The following C2CD5 variants were observed in gnomAD, a reference collection of about 807,000 sequenced individuals.
C2CD5 encodes the protein C2 calcium dependent domain containing 5.
C2CD5 carries 109 observed loss-of-function variants against 130.3 expected under a neutral mutation model. That is an observed-to-expected ratio of 0.84 (90% confidence interval 0.72 to 0.98). The LOEUF (loss-of-function observed/expected upper bound fraction) is 0.98, where lower values mean the gene tolerates loss of function less well. Among genes scored for constraint, C2CD5 ranks in the 50% least tolerant of loss-of-function variants. C2CD5 has a pLI of 0.00. For synonymous variants in C2CD5, 454 were observed against 429.2 expected, an observed-to-expected ratio of 1.06 and a Z score of -0.71; for missense variants, 996 against 1,261.8, an observed-to-expected ratio of 0.79 and a Z score of 3.19.
intron 10 of C2CD5, among the ~76,000 whole-genome samples, chr12:22,494,656 GAAGA>G (rs1393924881): frequency 1.3e-5 from 2 of 151,898 alleles, no homozygotes; most frequent in African/African-American, 4.8e-5. Context: ...CTTTCTTTCA[GAAGA>G]AAGAAATGCA....
chr12:22,493,096 T>C (rs1341683420), intron 11 of C2CD5, 127 bp downstream of exon 11: 10 of 512,154 alleles, frequency 2.0e-5, no homozygotes, highest in Non-Finnish European at 3.5e-6. Context: ...CTTAATCTAA[T>C]GTACTCCAAG....
At position 22,502,947 on chromosome 12, in the gene C2CD5, GTAGAAA is replaced by G. The variant is rs1015923767; in HGVS notation, c.1147+3758_1147+3763del. On this transcript the variant is annotated intron_variant, in intron 10 of 26. Coordinates refer to ENST00000446597, the MANE Select transcript of C2CD5 (RefSeq NM_001286176.2). The stretch of plus-strand genomic sequence containing the variant: ...ACATAGACAGCAGAGTTAATAAGAA[GTAGAAA>G]TAGAAAGGGGGAAAGGAGCATGCTA... The G allele has an allele frequency of 8.7e-6, 5 of 575,538 alleles. No homozygotes were observed. The African/African-American group carries it at 9.4e-5, about 11-fold the overall frequency. 35.7% of individuals were successfully genotyped at this position (575,538 alleles called of 1,614,324 possible).
In C2CD5 at chr12:22,459,478, T is replaced by C. The variant is rs1387233584; in HGVS notation, c.2584+14A>G. ...ACACCTTTGGTGACTATTTGCTTAA[T>C]TAGACAAACTCACCTCTCTGTGCAG... On this transcript the variant is annotated intron_variant, in intron 23 of 26. Transcript: ENST00000446597. 1 of 1,513,478 alleles carries C rather than the reference T, an allele frequency of 6.6e-7. No individual in the cohort carries two copies. The highest frequency in any genetic ancestry group is 8.9e-7 in the Non-Finnish European group (1 of 1,126,504). 93.8% of individuals were successfully genotyped at this position (1,513,478 alleles called of 1,614,324 possible). A position where few individuals can be genotyped will look rare whatever the true frequency, so the allele number is the denominator to read the frequency against.
rs539106834 is a variant in C2CD5 at position 22,493,515 on chromosome 12, T to C, written c.1148-178A>G. 4.0e-3 allele frequency among the ~76,000 whole-genome samples: 616 copies of C among 152,228 alleles called. 4 individuals carry two copies. Among genetic ancestry groups the C allele is most frequent in the African/African-American group, 0.014 (582 of 41,554 alleles). On this transcript the variant is annotated intron_variant, in intron 10 of 26. Coordinates refer to ENST00000446597, the MANE Select transcript of C2CD5 (RefSeq NM_001286176.2). Reference sequence around the variant, plus strand: ...AGGCATAAGATTTAACCTTTTAAACTCAATTGCTGGAAAACAAACCACCTA... The same window carrying C: ...AGGCATAAGATTTAACCTTTTAAACCCAATTGCTGGAAAACAAACCACCTA...
At chr12:22,539,287 C>A (rs1952117462) in intron 2 of C2CD5, among the ~76,000 whole-genome samples, 1 of 152,158 alleles carries the variant, frequency 6.6e-6, no homozygotes, top group Admixed American at 6.5e-5. Context: ...AGCTTCCTTC[C>A]TCTTTCTAGA....
chr12:22,472,331 AT>A lies in C2CD5; in HGVS notation c.2123del (p.Asn708IlefsTer8). On this transcript the variant is annotated frameshift_variant, in exon 18 of 27. Transcript: ENST00000446597. LOFTEE classifies it high-confidence loss of function. ...TATTTATACCGGGCATAATTTCTGT[AT>A]TACAACTATAAAAGCCTGTCAAAAT... The part of the protein sequence containing the change: ...VPPPSGFYSC[N>X]TEIMPGINNW... The A allele has an allele frequency of 6.8e-7, 1 of 1,469,012 alleles. No homozygotes were observed. Among genetic ancestry groups the A allele is most frequent in the Non-Finnish European group, 9.4e-7 (1 of 1,067,172 alleles). The allele number at this position is 1,469,012 out of a possible 1,614,324, so 91.0% of individuals were successfully genotyped here. A position where few individuals can be genotyped will look rare whatever the true frequency, so the allele number is the denominator to read the frequency against.
In C2CD5 at chr12:22,474,793, T is replaced by A; in HGVS notation, c.2001A>T (p.Glu667Asp). The A allele has an allele frequency of 6.2e-7, 1 of 1,611,206 alleles. No individual in the cohort carries two copies. Among genetic ancestry groups the A allele is most frequent in the Non-Finnish European group, 8.5e-7 (1 of 1,178,368 alleles). ...CTTTTTTCCCATGTGAAAGGTCTAA[T>A]TCTGTAACTTCATCCGAGCTTTCTG... ...SQSESSDEVT[E>D]LDLSHGKKDA... Residue 667 changes from glutamate (E) to aspartate (D), a missense_variant, in exon 16 of 27, where the codon GAA becomes GAT. Physicochemically the swap from Glu to Asp is conservative, Grantham distance 45. This residue lies in a region of C2CD5 where 590 missense variants were observed against 631.4 expected (regional missense o/e 0.93). Coordinates refer to ENST00000446597, the MANE Select transcript of C2CD5 (RefSeq NM_001286176.2).
At chr12:22,503,646 G>A (rs551605303) in intron 10 of C2CD5, among the ~76,000 whole-genome samples, 2 of 152,056 alleles carry the variant, frequency 1.3e-5, no homozygotes, top group South Asian at 2.1e-4. Context: ...AAGTAGCTAG[G>A]ACCACAGACA....
At chr12:22,471,882 G>T in intron 19 of C2CD5, 85 bp downstream of exon 19, 1 of 783,988 alleles carries the variant, frequency 1.3e-6, no homozygotes, top group East Asian at 2.5e-5. Flanking sequence ...ACTGTGTAAG[G>T]TATTACAGAC....
intron 10 of C2CD5, among the ~76,000 whole-genome samples, chr12:22,496,636 A>C (rs1346388669): frequency 6.7e-6 from 1 of 150,054 alleles, no homozygotes; most frequent in African/African-American, 2.4e-5. Context: ...TTTTAGGAAA[A>C]TTTAAAATTT....
chr12:22,459,372 C>G, intron 23 of C2CD5, 120 bp downstream of exon 23: 2 of 489,742 alleles, frequency 4.1e-6, no homozygotes, highest in Non-Finnish European at 7.1e-6. Context: ...AAAAAAAAGC[C>G]AGATTTTGGT....
At chr12:22,502,396 T>C (rs967207958) in intron 10 of C2CD5, among the ~76,000 whole-genome samples, 3 of 152,130 alleles carry the variant, frequency 2.0e-5, no homozygotes, top group African/African-American at 7.2e-5. Context: ...TAACAAATAT[T>C]TGCTTAATCT....
chr12:22,532,940 A>G (rs1021049281), intron 3 of C2CD5, among the ~76,000 whole-genome samples: 1 of 152,244 alleles, frequency 6.6e-6, no homozygotes, highest in Non-Finnish European at 1.5e-5. Context: ...AAGGTTCTTA[A>G]GTAGTCCAAT....
intron 6 of C2CD5, 145 bp from the exon 7 acceptor site, chr12:22,523,769 G>A (rs1950479584): frequency 8.0e-6 from 5 of 628,140 alleles, no homozygotes; most frequent in Non-Finnish European, 1.4e-5. Context: ...AGATAATCTG[G>A]TTTAGCCTCT....
At chr12:22,536,905 G>C (rs1365554549) in intron 2 of C2CD5, among the ~76,000 whole-genome samples, 2 of 151,942 alleles carry the variant, frequency 1.3e-5, no homozygotes, top group African/African-American at 2.4e-5. Context: ...GAAGAATAGA[G>C]GTTCTTGTTT....
chr12:22,483,917 G>A (rs1039014423), intron 13 of C2CD5, among the ~76,000 whole-genome samples: 4 of 152,232 alleles, frequency 2.6e-5, no homozygotes, highest in African/African-American at 4.8e-5. Flanking sequence ...GAAGTAGACA[G>A]GTATAAGTCT....
Position 22,501,768 on chromosome 12 carries a change from C to A in C2CD5, c.1147+4943G>T, listed in dbSNP as rs532838112. Among the ~76,000 whole-genome samples the A allele has an allele frequency of 4.6e-5, 7 of 152,174 alleles. No homozygotes were observed. The East Asian group carries it at 1.3e-3, about 29-fold the overall frequency. On this transcript the variant is annotated intron_variant, in intron 10 of 26. Transcript: ENST00000446597. ...AAATCTACATGATGAACATGATTTA[C>A]TTCATAGTCAAACATGCATTACTTA...
At chr12:22,464,817 T>A (rs1296142443) in intron 22 of C2CD5, among the ~76,000 whole-genome samples, 1 of 152,182 alleles carries the variant, frequency 6.6e-6, no homozygotes, top group Non-Finnish European at 1.5e-5. Context: ...TTAATTAGTA[T>A]AAGGAATTAT....
intron 3 of C2CD5, 196 bp downstream of exon 3, chr12:22,535,062 G>T: frequency 2.1e-6 from 1 of 468,200 alleles, no homozygotes; most frequent in South Asian, 3.1e-5. Context: ...TTTTGTTAAT[G>T]TGTTATCATA....
Sources: allele counts gnomAD v4.1 joint callset (sites outside exome capture counted in the v4.1 genomes callset), GRCh38; gene constraint gnomAD v4.1.1; regional missense constraint gnomAD v4.1.1; transcripts MANE v1.5; gene names NCBI Gene and HGNC (gene_info 2026-07-23, HGNC 2026-07-21).